The following ITGA1 variants were observed in gnomAD, a reference collection of about 807,000 sequenced individuals.
ITGA1 encodes integrin alpha-1.
In ITGA1, 85 loss-of-function variants were observed where a neutral mutation model predicts 145.9. That is an observed-to-expected ratio of 0.58 (90% confidence interval 0.49 to 0.70). The LOEUF is 0.70. ITGA1 is among the 30% of genes least tolerant of loss of function. ITGA1 has a pLI of 0.00. For synonymous variants in ITGA1, 520 were observed against 495.3 expected, an observed-to-expected ratio of 1.05 and a Z score of -0.66; for missense variants, 1,351 against 1,418.7, an observed-to-expected ratio of 0.95 and a Z score of 0.77.
rs558031576 is a variant in ITGA1 at position 52,868,633 on chromosome 5, G to A, written c.624+2816G>A. 2.6e-5 allele frequency among the ~76,000 whole-genome samples: 4 copies of A among 152,264 alleles called. No homozygotes were observed. The East Asian group carries it at 7.7e-4, about 29-fold the overall frequency. On this transcript the variant is annotated intron_variant, in intron 6 of 28. Coordinates refer to ENST00000282588, the MANE Select transcript of ITGA1 (RefSeq NM_181501.2). ...AGACAAATTCAGGAGGGCCCTTGGGGTCCAGATGCTACCAGTGAATGGGAG... is the reference window on the plus strand; with the variant it reads ...AGACAAATTCAGGAGGGCCCTTGGGATCCAGATGCTACCAGTGAATGGGAG...
intron 1 of ITGA1, among the ~76,000 whole-genome samples, chr5:52,834,393 T>C (rs1749122609): frequency 6.6e-6 from 1 of 151,840 alleles, no homozygotes; most frequent in Non-Finnish European, 1.5e-5. Context: ...TCTTGCCGTA[T>C]CCTCACACGG....
intron 7 of ITGA1, among the ~76,000 whole-genome samples, chr5:52,883,340 TG>T (rs1232228357): frequency 2.0e-5 from 3 of 152,250 alleles, no homozygotes; most frequent in African/African-American, 7.2e-5. Flanking sequence ...ATATTCTGGC[TG>T]CTTTTGCTTC....
chr5:52,864,033 T>C (rs915896241), intron 3 of ITGA1: 1 of 152,234 alleles, frequency 6.6e-6, no homozygotes, highest in Non-Finnish European at 1.5e-5. Flanking sequence ...GACAAATCTT[T>C]CTCAACCTGA....
chr5:52,891,423 G>T (rs981545816), intron 8 of ITGA1, among the ~76,000 whole-genome samples: 2 of 151,386 alleles, frequency 1.3e-5, no homozygotes, highest in Admixed American at 1.3e-4. Context: ...TATTGCTTGT[G>T]ATATTTTGTG....
intron 1 of ITGA1, chr5:52,801,362 G>A (rs762735875): frequency 6.1e-6 from 9 of 1,478,806 alleles, no homozygotes; most frequent in South Asian, 1.2e-5. Context: ...TGATTAATGG[G>A]TGTTCTAGGA....
chr5:52,857,135 A>G (rs893789360), intron 2 of ITGA1, among the ~76,000 whole-genome samples: 2 of 152,212 alleles, frequency 1.3e-5, no homozygotes. Context: ...CCTAGATTCA[A>G]TGGGTGGAAA....
chr5:52,821,949 G>C (rs981000829), intron 1 of ITGA1, among the ~76,000 whole-genome samples: 4 of 152,040 alleles, frequency 2.6e-5, no homozygotes, highest in African/African-American at 9.7e-5. Flanking sequence ...GTGTGATTTT[G>C]TAGAAAACAC....
chr5:52,807,266 A>G (rs949661504), intron 1 of ITGA1, among the ~76,000 whole-genome samples: 3 of 152,130 alleles, frequency 2.0e-5, no homozygotes, highest in Non-Finnish European at 4.4e-5. Flanking sequence ...GGTTGGTACC[A>G]CTGTCCCCAC....
chr5:52,947,484 C>G lies in ITGA1; in HGVS notation c.3495+23C>G, dbSNP rs769603927. 5.9e-6 allele frequency: 8 copies of G among 1,351,046 alleles called. No homozygotes were observed. The Admixed American group carries it at 1.0e-4, about 17-fold the overall frequency. The allele number at this position is 1,351,046 out of a possible 1,614,324, so 83.7% of individuals were successfully genotyped here. A position where few individuals can be genotyped will look rare whatever the true frequency, so the allele number is the denominator to read the frequency against. On this transcript the variant is annotated intron_variant, in intron 28 of 28. Transcript: ENST00000282588. The stretch of plus-strand genomic sequence containing the variant: ...AAGGTAAACACCAAAATTCCTTTGA[C>G]TCTCTACTTCAATCATCAACAGCAA...
chr5:52,928,526 T>C (rs1289270766), intron 20 of ITGA1, among the ~76,000 whole-genome samples: 1 of 152,208 alleles, frequency 6.6e-6, no homozygotes, highest in Non-Finnish European at 1.5e-5. Context: ...ATTACGACAA[T>C]TGATTTTAGA....
intron 2 of ITGA1, among the ~76,000 whole-genome samples, chr5:52,852,380 T>C (rs553125670): frequency 6.6e-6 from 1 of 152,254 alleles, no homozygotes; most frequent in African/African-American, 2.4e-5. Flanking sequence ...TCAAGAACTA[T>C]AATCTGGTAC....
intron 9 of ITGA1, 25 bp downstream of exon 9, chr5:52,893,865 C>T (rs2111824677): frequency 6.4e-7 from 1 of 1,555,528 alleles, no homozygotes; most frequent in African/African-American, 1.4e-5. Flanking sequence ...CTTATTGCTG[C>T]ATGTTCTCTC....
chr5:52,909,839 G>A (rs1013419377), intron 13 of ITGA1, among the ~76,000 whole-genome samples: 5 of 149,658 alleles, frequency 3.3e-5, no homozygotes, highest in Non-Finnish European at 5.9e-5. Flanking sequence ...ATAAATTTTC[G>A]CTTTGCACAA....
At chr5:52,921,465 G>C (rs1460629400) in intron 17 of ITGA1, among the ~76,000 whole-genome samples, 2 of 151,994 alleles carry the variant, frequency 1.3e-5, no homozygotes, top group Non-Finnish European at 2.9e-5. Context: ...ATTCTGTCAG[G>C]ACCAAGATCA....
At chr5:52,856,725 C>G (rs1749519481) in intron 2 of ITGA1, among the ~76,000 whole-genome samples, 1 of 151,244 alleles carries the variant, frequency 6.6e-6, no homozygotes, top group South Asian at 2.1e-4. Flanking sequence ...GCCACTAGGT[C>G]AAAATTTAAT....
chr5:52,911,239 T>C (rs1381736995), intron 14 of ITGA1, among the ~76,000 whole-genome samples: 1 of 136,170 alleles, frequency 7.3e-6, no homozygotes, highest in Non-Finnish European at 1.5e-5. Flanking sequence ...ATGTAGTGTA[T>C]ATATAGTATA....
intron 6 of ITGA1, among the ~76,000 whole-genome samples, chr5:52,878,610 C>A (rs772859269): frequency 7.2e-5 from 11 of 152,190 alleles, no homozygotes; most frequent in Non-Finnish European, 1.6e-4. Flanking sequence ...AGTGAGATAA[C>A]CCTTTTTCCC....
chr5:52,840,008 G>A (rs1416795834), intron 1 of ITGA1, among the ~76,000 whole-genome samples: 2 of 152,038 alleles, frequency 1.3e-5, no homozygotes, highest in Non-Finnish European at 2.9e-5. Flanking sequence ...TTAGTGCCTG[G>A]AATTTGCAAT....
intron 1 of ITGA1, among the ~76,000 whole-genome samples, chr5:52,834,879 A>T (rs989227647): frequency 2.6e-5 from 4 of 152,162 alleles, no homozygotes; most frequent in Non-Finnish European, 4.4e-5. Flanking sequence ...GGGCTTCAAC[A>T]TATGAATCTC....
Sources: gnomAD v4.1 joint callset for allele counts (sites outside exome capture counted in the v4.1 genomes callset) on GRCh38, gnomAD v4.1.1 for gene constraint, MANE v1.5 for transcripts, NCBI Gene and HGNC (gene_info 2026-07-23, HGNC 2026-07-21) for gene names.